Variants in SLC16A7 observed in about 807,000 individuals in gnomAD.
The protein encoded by SLC16A7 is solute carrier family 16 member 7, also known as monocarboxylate transporter 2.
In SLC16A7, 33 loss-of-function variants were observed where a neutral mutation model predicts 34.9. The ratio of observed to expected loss-of-function variants is 0.94; its 90% CI spans 0.72 to 1.26. The LOEUF (loss-of-function observed/expected upper bound fraction) is 1.26. SLC16A7 is among the 50% of genes most tolerant of loss of function. The pLI is 0.00. For missense variants in SLC16A7, 573 were observed against 578.1 expected (o/e 0.99, Z 0.09); for synonymous variants, 201 against 206.6 (o/e 0.97, Z 0.23).
chr12:59,686,340 A>G (rs939721191), intron 2 of SLC16A7, among the ~76,000 whole-genome samples: 1 of 151,996 alleles, frequency 6.6e-6, no homozygotes, highest in Non-Finnish European at 1.5e-5. Flanking sequence ...TAAGTTCTGC[A>G]CTGTGTTTTT....
At chr12:59,762,915 T>C (rs542102488) in intron 3 of SLC16A7, among the ~76,000 whole-genome samples, 2 of 152,210 alleles carry the variant, frequency 1.3e-5, no homozygotes, top group East Asian at 3.9e-4. Context: ...CTGTATTCAA[T>C]CTACATTTGA....
chr12:59,751,101 A>G (rs2137327986), intron 3 of SLC16A7, among the ~76,000 whole-genome samples: 1 of 152,240 alleles, frequency 6.6e-6, no homozygotes, highest in African/African-American at 2.4e-5. Context: ...TAGAAGAAAT[A>G]CCTGGATCGC....
At chr12:59,686,631 TA>T (rs1266891229) in intron 2 of SLC16A7, among the ~76,000 whole-genome samples, 1 of 151,630 alleles carries the variant, frequency 6.6e-6, no homozygotes, top group Non-Finnish European at 1.5e-5. Flanking sequence ...TTAATACAAA[TA>T]ATAGTACCAT....
intron 3 of SLC16A7, among the ~76,000 whole-genome samples, chr12:59,753,007 G>A (rs1211193428): frequency 6.6e-6 from 1 of 152,144 alleles, no homozygotes; most frequent in African/African-American, 2.4e-5. Context: ...GCCAAACTGA[G>A]CTTCATAAGT....
At chr12:59,616,770 A>G (rs1390678132) in intron 1 of SLC16A7, among the ~76,000 whole-genome samples, 2 of 152,188 alleles carry the variant, frequency 1.3e-5, no homozygotes, top group Admixed American at 6.5e-5. Flanking sequence ...TGAGCCTATT[A>G]TATGAGGAGA....
At chr12:59,710,107 A>T (rs185436966) in intron 3 of SLC16A7, among the ~76,000 whole-genome samples, 1 of 151,786 alleles carries the variant, frequency 6.6e-6, no homozygotes, top group Admixed American at 6.5e-5. Context: ...CTTATATTAT[A>T]TCATGAAATG....
chr12:59,605,989 T>C (rs1357022234), intron 1 of SLC16A7, among the ~76,000 whole-genome samples: 2 of 152,180 alleles, frequency 1.3e-5, no homozygotes, highest in Admixed American at 1.3e-4. Flanking sequence ...ATAATGTAGG[T>C]AGTCAATAAA....
rs1883744749 is a variant in SLC16A7, at chr12:59,788,064, G to A, written c.*8385G>A. ...AAACCAGTATGTTAATTATTTCCTA[G>A]AATGAATAATTCTCCTTTTTTGATA... On this transcript the variant is annotated 3_prime_UTR_variant, in exon 6 of 6. Coordinates refer to ENST00000547379, the MANE Select transcript of SLC16A7 (RefSeq NM_001270623.2). 1 of 151,996 alleles carries A rather than the reference G, an allele frequency of 6.6e-6. No individual in the cohort carries two copies. The highest frequency in any genetic ancestry group is 1.5e-5 in the Non-Finnish European group (1 of 68,006). The allele number at this position is 151,996 out of a possible 1,614,324, so 9.4% of individuals were successfully genotyped here. A position where few individuals can be genotyped will look rare whatever the true frequency, so the allele number is the denominator to read the frequency against.
chr12:59,748,251 G>A (rs912584240), intron 3 of SLC16A7, among the ~76,000 whole-genome samples: 22 of 152,220 alleles, frequency 1.4e-4, no homozygotes, highest in Non-Finnish European at 2.8e-4. Flanking sequence ...TTATGCACAG[G>A]AACCCTTACA....
At chr12:59,667,013 G>T (rs1296033505) in intron 2 of SLC16A7, among the ~76,000 whole-genome samples, 2 of 152,158 alleles carry the variant, frequency 1.3e-5, no homozygotes, top group Non-Finnish European at 2.9e-5. Flanking sequence ...GGAGGCCTTA[G>T]AATCATGGTG....
At chr12:59,746,991 C>T (rs1565691039) in intron 3 of SLC16A7, among the ~76,000 whole-genome samples, 1 of 152,112 alleles carries the variant, frequency 6.6e-6, no homozygotes, top group African/African-American at 2.4e-5. Flanking sequence ...CACCCCCATG[C>T]CTGTCTAATT....
At position 59,666,241 on chromosome 12, in the gene SLC16A7, A is replaced by G. The variant is rs112188954; in HGVS notation, c.-31+10991A>G. ...ATTCATGTTGTTTTTTAGAGAAATC[A>G]TATTTTATTCCTTAATTCATTTCGA... On this transcript the variant is annotated intron_variant, in intron 2 of 5. Coordinates refer to ENST00000547379, the MANE Select transcript of SLC16A7 (RefSeq NM_001270623.2). Among the ~76,000 whole-genome samples the G allele has an allele frequency of 1.8e-3, 279 of 152,256 alleles. 7 individuals are homozygous for G. The highest frequency in any genetic ancestry group is 0.018 in the South Asian group (87 of 4,822).
At position 59,745,140 on chromosome 12, in the gene SLC16A7, C is replaced by T. The variant is rs1483625756; in HGVS notation, c.218-26079C>T. Among the ~76,000 whole-genome samples, 4 of 152,180 alleles carry T rather than the reference C, an allele frequency of 2.6e-5. 1 individual carries two copies. The highest frequency in any genetic ancestry group is 2.0e-4 in the Admixed American group (3 of 15,282). ...TCACCTTCATCCTTAGACTGCTTCTCTTTATGATTATAAAATGGGTGCCAG... is the reference window on the plus strand; with the variant it reads ...TCACCTTCATCCTTAGACTGCTTCTTTTTATGATTATAAAATGGGTGCCAG... On this transcript the variant is annotated intron_variant, in intron 3 of 5. Coordinates refer to ENST00000547379, the MANE Select transcript of SLC16A7 (RefSeq NM_001270623.2).
rs1874484568 is a variant in SLC16A7, at chr12:59,713,375, A to G, written c.217+8357A>G. 2.0e-5 allele frequency among the ~76,000 whole-genome samples: 3 copies of G among 152,120 alleles called. No homozygotes were observed. The South Asian group carries it at 6.2e-4, about 32-fold the overall frequency. On this transcript the variant is annotated intron_variant, in intron 3 of 5. Transcript: ENST00000547379. ...TACTCTTTCCCAGCTCTTCCTCAAC[A>G]ACATATTAGGATTGAAGAATTTACC...
chr12:59,671,370 C>T (rs376801077), intron 2 of SLC16A7, among the ~76,000 whole-genome samples: 13 of 151,882 alleles, frequency 8.6e-5, no homozygotes, highest in Non-Finnish European at 1.6e-4. Context: ...TTACCAATTC[C>T]CCTATTGATA....
At chr12:59,751,825 A>AC (rs903014287) in intron 3 of SLC16A7, among the ~76,000 whole-genome samples, 2 of 152,028 alleles carry the variant, frequency 1.3e-5, no homozygotes, top group African/African-American at 4.8e-5. Flanking sequence ...CTGACCCCTG[A>AC]CCCCCGAGCA....
intron 3 of SLC16A7, among the ~76,000 whole-genome samples, chr12:59,754,965 A>G (rs577552115): frequency 2.0e-5 from 3 of 152,350 alleles, no homozygotes; most frequent in African/African-American, 4.8e-5. Context: ...ACGCAAACCA[A>G]TAAATGTAAT....
intron 1 of SLC16A7, among the ~76,000 whole-genome samples, chr12:59,644,621 C>T (rs1880830229): frequency 6.6e-6 from 1 of 152,078 alleles, no homozygotes; most frequent in African/African-American, 2.4e-5. Context: ...TTAGAAGTTA[C>T]CTTGGACCTG....
chr12:59,704,157 G>A (rs1331125243), intron 2 of SLC16A7, among the ~76,000 whole-genome samples: 8 of 129,598 alleles, frequency 6.2e-5, no homozygotes, highest in African/African-American at 2.4e-4. Flanking sequence ...CCAATATCAT[G>A]CCACTGCACT....
Sources: allele counts gnomAD v4.1 joint callset (sites outside exome capture counted in the v4.1 genomes callset), GRCh38; gene constraint gnomAD v4.1.1; transcripts MANE v1.5; gene names NCBI Gene and HGNC (gene_info 2026-07-23, HGNC 2026-07-21).